Variants in ADK observed in about 807,000 individuals in gnomAD.
ADK encodes N6,N6-dimethyladenosine kinase.
Under a neutral mutation model 44.7 loss-of-function variants are expected in ADK, and 24 were observed. The observed-to-expected ratio is 0.54, with a 90% CI of 0.39 to 0.76. The LOEUF is 0.76. Among genes scored for constraint, ADK ranks in the 30% least tolerant of loss-of-function variants. ADK has a pLI of 0.00. For synonymous variants in ADK, 128 were observed against 142.6 expected (o/e 0.90, Z 0.73); for missense variants, 321 against 425.1 (o/e 0.76, Z 2.15).
chr10:74,164,884 A>G (rs536205566), intron 1 of ADK, among the ~76,000 whole-genome samples: 11 of 152,356 alleles, frequency 7.2e-5, no homozygotes, highest in Admixed American at 3.9e-4. Context: ...TGTAGATATC[A>G]AGTCAAACTC....
intron 6 of ADK, among the ~76,000 whole-genome samples, chr10:74,425,791 G>A (rs1157449049): frequency 1.3e-5 from 2 of 152,054 alleles, no homozygotes; most frequent in Non-Finnish European, 1.5e-5. Context: ...TGAGTATTCT[G>A]TGTCAACTCA....
Position 74,673,566 on chromosome 10 carries a change from G to A in ADK, c.964+3297G>A, listed in dbSNP as rs547299718. 3.9e-5 allele frequency among the ~76,000 whole-genome samples: 6 copies of A among 152,268 alleles called. No homozygotes were observed. In the East Asian group the frequency reaches 1.2e-3, roughly 29 times the overall value. On this transcript the variant is annotated intron_variant, in intron 10 of 10. Coordinates refer to ENST00000539909, the MANE Select transcript of ADK (RefSeq NM_006721.4). ...TACCAGACCAGTGGCAGCATCTAAG[G>A]GAAGCTGCCCGTGACCCCTGGATCC...
intron 4 of ADK, among the ~76,000 whole-genome samples, chr10:74,327,069 A>G (rs1311824481): frequency 6.6e-6 from 1 of 151,286 alleles, no homozygotes; most frequent in East Asian, 1.9e-4. Flanking sequence ...TTTTTCTGCT[A>G]ATTTGGAGTT....
intron 2 of ADK, among the ~76,000 whole-genome samples, chr10:74,223,649 C>T (rs2132241151): frequency 6.6e-6 from 1 of 152,056 alleles, no homozygotes; most frequent in South Asian, 2.1e-4. Flanking sequence ...GTCTGTTTAC[C>T]TTCAGCAGTA....
At chr10:74,349,684 G>T (rs912394137) in intron 4 of ADK, among the ~76,000 whole-genome samples, 6 of 151,862 alleles carry the variant, frequency 4.0e-5, no homozygotes, top group Non-Finnish European at 4.4e-5. Context: ...CACTTGCAAA[G>T]ACACACATAG....
intron 6 of ADK, among the ~76,000 whole-genome samples, chr10:74,519,543 A>T (rs747165171): frequency 3.9e-5 from 6 of 151,984 alleles, no homozygotes; most frequent in Non-Finnish European, 7.4e-5. Context: ...AAATAAGTAC[A>T]CTGATAAGTT....
chr10:74,385,604 G>A (rs1843114793), intron 4 of ADK, among the ~76,000 whole-genome samples: 1 of 152,138 alleles, frequency 6.6e-6, no homozygotes, highest in South Asian at 2.1e-4. Context: ...GGAATGAATT[G>A]AATGAATATA....
intron 4 of ADK, among the ~76,000 whole-genome samples, chr10:74,324,700 A>C (rs1409801393): frequency 6.6e-6 from 1 of 152,198 alleles, no homozygotes; most frequent in East Asian, 1.9e-4. Context: ...GGCTGTTGTG[A>C]ATAATGAAGC....
chr10:74,360,071 C>G (rs1842286285), intron 4 of ADK, among the ~76,000 whole-genome samples: 1 of 152,130 alleles, frequency 6.6e-6, no homozygotes, highest in African/African-American at 2.4e-5. Context: ...AGTATAAGAT[C>G]TCTCCTGGAG....
In ADK at chr10:74,398,588, T is replaced by A. The variant is rs774905776; in HGVS notation, c.555+9T>A. 1 of 1,498,232 alleles carries A rather than the reference T, an allele frequency of 6.7e-7. No homozygotes were observed. The highest frequency in any genetic ancestry group is 9.3e-7 in the Non-Finnish European group (1 of 1,077,502). The allele number at this position is 1,498,232 out of a possible 1,614,324, so 92.8% of individuals were successfully genotyped here. A position where few individuals can be genotyped will look rare whatever the true frequency, so the allele number is the denominator to read the frequency against. ...GAGTTTGTTATATAGCAGTAAGTACTTACCTAATTCAAATCTCTAGTACAT... is the reference window on the plus strand; with the variant it reads ...GAGTTTGTTATATAGCAGTAAGTACATACCTAATTCAAATCTCTAGTACAT... On this transcript the variant is annotated intron_variant, in intron 6 of 10. Coordinates refer to ENST00000539909, the MANE Select transcript of ADK (RefSeq NM_006721.4).
At chr10:74,667,524 G>A (rs556414155) in intron 9 of ADK, among the ~76,000 whole-genome samples, 1 of 147,538 alleles carries the variant, frequency 6.8e-6, no homozygotes, top group East Asian at 2.2e-4. Context: ...AGATAAATAA[G>A]TCATGATTTT....
At chr10:74,568,048 A>G (rs1589255444) in intron 7 of ADK, among the ~76,000 whole-genome samples, 2 of 152,092 alleles carry the variant, frequency 1.3e-5, no homozygotes, top group East Asian at 3.9e-4. Flanking sequence ...AAGCTTGTCC[A>G]AACTATGACC....
At chr10:74,316,553 T>A (rs184978465) in intron 4 of ADK, among the ~76,000 whole-genome samples, 19 of 152,290 alleles carry the variant, frequency 1.2e-4, no homozygotes, top group Admixed American at 5.2e-4. Flanking sequence ...CATTTCCCAT[T>A]CTTGCTGCCT....
chr10:74,705,405 A>G (rs1008333307), intron 10 of ADK, among the ~76,000 whole-genome samples: 25 of 152,238 alleles, frequency 1.6e-4, no homozygotes, highest in Non-Finnish European at 5.9e-5. Context: ...TTGTGGCATA[A>G]TAGACATACA....
chr10:74,303,588 G>GTTGTTGTTTTTTTTTTTTTTTT (rs1840139803), intron 3 of ADK, among the ~76,000 whole-genome samples: 1 of 68,576 alleles, frequency 1.5e-5, no homozygotes, highest in African/African-American at 7.9e-5. Context: ...TTTTAATGTT[G>GTTGTTGTTTTTTTTTTTTTTTT]TTTTTTTTTT....
chr10:74,638,515 G>A (rs1182657944), intron 9 of ADK, among the ~76,000 whole-genome samples: 2 of 152,156 alleles, frequency 1.3e-5, no homozygotes, highest in African/African-American at 4.8e-5. Flanking sequence ...AAATTAGCCA[G>A]GCATGGTGGC....
intron 3 of ADK, among the ~76,000 whole-genome samples, chr10:74,249,487 G>A (rs1215118060): frequency 7.7e-6 from 1 of 129,176 alleles, no homozygotes; most frequent in Non-Finnish European, 1.7e-5. Flanking sequence ...GTATATGCAT[G>A]TACATGCATA....
chr10:74,657,009 GCTACCATAC>G (rs933780099), intron 9 of ADK, among the ~76,000 whole-genome samples: 3 of 151,626 alleles, frequency 2.0e-5, no homozygotes, highest in African/African-American at 7.3e-5. Context: ...ATAGACATGT[GCTACCATAC>G]CTAGCTAGTT....
At chr10:74,421,983 G>A (rs2133033000) in intron 6 of ADK, among the ~76,000 whole-genome samples, 1 of 152,224 alleles carries the variant, frequency 6.6e-6, no homozygotes, top group East Asian at 1.9e-4. Flanking sequence ...ATAACATATT[G>A]CCCCCTCCAG....
Sources: gnomAD v4.1 joint callset for allele counts (sites outside exome capture counted in the v4.1 genomes callset) on GRCh38, gnomAD v4.1.1 for gene constraint, MANE v1.5 for transcripts, NCBI Gene and HGNC (gene_info 2026-07-23, HGNC 2026-07-21) for gene names.